The following ZNF385D variants were observed in gnomAD, a reference collection of about 807,000 sequenced individuals.
The protein encoded by ZNF385D is zinc finger protein 385D.
In ZNF385D, 15 loss-of-function variants were observed where a neutral mutation model predicts 35.8. The observed-to-expected ratio is 0.42, with a 90% confidence interval of 0.28 to 0.64. The LOEUF (loss-of-function observed/expected upper bound fraction) is 0.64. Ranked by LOEUF, ZNF385D falls within the 30% of genes least tolerant of loss-of-function variation. The pLI is 0.23. For synonymous variants in ZNF385D, 212 were observed against 186.8 expected (o/e 1.13, Z -1.10); for missense variants, 474 against 494.6 (o/e 0.96, Z 0.39).
chr3:22,189,771 G>A (rs1489387143), intron 2 of ZNF385D, among the ~76,000 whole-genome samples: 1 of 152,132 alleles, frequency 6.6e-6, no homozygotes, highest in Non-Finnish European at 1.5e-5. Context: ...GCTCAAACTT[G>A]TTTTGCTTGG....
chr3:22,314,047 C>T (rs1313329442), intron 2 of ZNF385D, among the ~76,000 whole-genome samples: 1 of 152,136 alleles, frequency 6.6e-6, no homozygotes, highest in East Asian at 1.9e-4. Flanking sequence ...GTTACTCTAG[C>T]TCAGTGGTTC....
chr3:21,944,091 A>T (rs989722004), intron 3 of ZNF385D, among the ~76,000 whole-genome samples: 1 of 152,230 alleles, frequency 6.6e-6, no homozygotes, highest in Non-Finnish European at 1.5e-5. Flanking sequence ...ATTGTACTTA[A>T]GTAAAAGGAT....
chr3:22,251,678 T>G (rs1281789209), intron 2 of ZNF385D, among the ~76,000 whole-genome samples: 1 of 152,098 alleles, frequency 6.6e-6, no homozygotes, highest in African/African-American at 2.4e-5. Context: ...CATTGCCAAA[T>G]GACCCTTTAA....
At chr3:21,785,376 T>A (rs1343583187) in intron 3 of ZNF385D, among the ~76,000 whole-genome samples, 1 of 152,196 alleles carries the variant, frequency 6.6e-6, no homozygotes, top group Non-Finnish European at 1.5e-5. Context: ...CCATCATTTT[T>A]TTTGTGTGTA....
intron 2 of ZNF385D, among the ~76,000 whole-genome samples, chr3:21,658,311 C>G (rs1242371381): frequency 6.6e-6 from 1 of 152,002 alleles, no homozygotes; most frequent in Non-Finnish European, 1.5e-5. Context: ...TAAACAAACA[C>G]ATGAGCCAAC....
At chr3:22,339,366 G>C (rs898856457) in intron 2 of ZNF385D, among the ~76,000 whole-genome samples, 1 of 152,040 alleles carries the variant, frequency 6.6e-6, no homozygotes, top group Non-Finnish European at 1.5e-5. Context: ...GGAAGGCCTG[G>C]TATTTTCAGT....
chr3:21,826,523 GAAGGAGTCCACTTGA>G (rs919865260), intron 3 of ZNF385D, among the ~76,000 whole-genome samples: 2 of 152,160 alleles, frequency 1.3e-5, no homozygotes, highest in Non-Finnish European at 2.9e-5. Context: ...AGAGGTTCAG[GAAGGAGTCCACTTGA>G]AAGTCATTCC....
intron 3 of ZNF385D, among the ~76,000 whole-genome samples, chr3:22,047,845 C>A (rs1576225240): frequency 6.6e-6 from 1 of 152,106 alleles, no homozygotes; most frequent in Non-Finnish European, 1.5e-5. Flanking sequence ...AATGGCTGTA[C>A]TAATTTACTT....
chr3:22,265,546 A>G (rs1283951523), intron 2 of ZNF385D, among the ~76,000 whole-genome samples: 2 of 151,988 alleles, frequency 1.3e-5, no homozygotes, highest in African/African-American at 4.8e-5. Flanking sequence ...GTCGAACTCA[A>G]TTGACCTTGT....
chr3:21,892,708 A>C (rs1698934390), intron 3 of ZNF385D, among the ~76,000 whole-genome samples: 1 of 152,074 alleles, frequency 6.6e-6, no homozygotes, highest in African/African-American at 2.4e-5. Context: ...TCTCTCCACC[A>C]GTTTTTCTAC....
intron 2 of ZNF385D, among the ~76,000 whole-genome samples, chr3:22,278,987 A>T (rs1701577533): frequency 6.6e-6 from 1 of 152,056 alleles, no homozygotes; most frequent in Non-Finnish European, 1.5e-5. Flanking sequence ...GGTTACTAGA[A>T]ATTTGGACCT....
intron 3 of ZNF385D, among the ~76,000 whole-genome samples, chr3:22,010,663 C>T (rs1696514469): frequency 6.6e-6 from 1 of 152,138 alleles, no homozygotes; most frequent in African/African-American, 2.4e-5. Context: ...ACTACAAAAA[C>T]AGTCTAGGGC....
intron 3 of ZNF385D, among the ~76,000 whole-genome samples, chr3:22,016,171 G>C (rs1357376790): frequency 6.6e-6 from 1 of 152,074 alleles, no homozygotes; most frequent in Non-Finnish European, 1.5e-5. Context: ...CCAACCAGCA[G>C]TGATTTTTCT....
At chr3:21,723,124 C>G (rs2125455096) in intron 1 of ZNF385D, among the ~76,000 whole-genome samples, 1 of 152,166 alleles carries the variant, frequency 6.6e-6, no homozygotes, top group East Asian at 1.9e-4. Flanking sequence ...AGAGCATGTC[C>G]ACTCAGAGAC....
chr3:22,358,724 C>T (rs1338384448), intron 2 of ZNF385D, among the ~76,000 whole-genome samples: 1 of 151,616 alleles, frequency 6.6e-6, no homozygotes, highest in South Asian at 2.1e-4. Flanking sequence ...AAATAAGATA[C>T]TATTTTGAAT....
chr3:22,318,359 C>A (rs564127845), intron 2 of ZNF385D, among the ~76,000 whole-genome samples: 1 of 152,020 alleles, frequency 6.6e-6, no homozygotes, highest in South Asian at 2.1e-4. Flanking sequence ...GAAAGGAAAA[C>A]CATGAAGAGA....
At chr3:22,296,256 G>T (rs1289276935) in intron 2 of ZNF385D, among the ~76,000 whole-genome samples, 1 of 152,152 alleles carries the variant, frequency 6.6e-6, no homozygotes, top group African/African-American at 2.4e-5. Flanking sequence ...TACAGTTCAG[G>T]CAGGGCTTGG....
intron 2 of ZNF385D, among the ~76,000 whole-genome samples, chr3:21,583,194 A>G (rs2063716287): frequency 6.6e-6 from 1 of 152,234 alleles, no homozygotes; most frequent in Admixed American, 6.5e-5. Flanking sequence ...AAACGAAAAT[A>G]TAAACTGTAA....
At chr3:21,803,116 G>C (rs2072483405) in intron 3 of ZNF385D, among the ~76,000 whole-genome samples, 1 of 152,164 alleles carries the variant, frequency 6.6e-6, no homozygotes, top group African/African-American at 2.4e-5. Flanking sequence ...CCAGGGGTTT[G>C]GGAGGGAGTT....
Sources: allele counts gnomAD v4.1 joint callset (sites outside exome capture counted in the v4.1 genomes callset), GRCh38; gene constraint gnomAD v4.1.1; transcripts MANE v1.5; gene names NCBI Gene and HGNC (gene_info 2026-07-23, HGNC 2026-07-21).